EYS: variants seen among roughly 807,000 people sequenced by gnomAD.
EYS encodes protein eyes shut homolog.
Under a neutral mutation model 282.1 loss-of-function variants are expected in EYS, and 250 were observed. The ratio of observed to expected loss-of-function variants is 0.89; its 90% CI spans 0.80 to 0.98. The LOEUF (loss-of-function observed/expected upper bound fraction) is 0.98, where lower values mean the gene tolerates loss of function less well. Among genes scored for constraint, EYS ranks in the 50% least tolerant of loss-of-function variants. The pLI is 0.00. For missense variants in EYS, 4,016 were observed against 3,709.0 expected (o/e 1.08, Z -2.15); for synonymous variants, 1,355 against 1,282.9 (o/e 1.06, Z -1.20).
intron 26 of EYS, among the ~76,000 whole-genome samples, chr6:64,506,493 C>T (rs1333646225): frequency 6.6e-6 from 1 of 152,182 alleles, no homozygotes; most frequent in Non-Finnish European, 1.5e-5. Context: ...TTGAAATTCA[C>T]TTTAGTTTTA....
intron 30 of EYS, among the ~76,000 whole-genome samples, chr6:64,281,095 C>T (rs976082337): frequency 3.9e-5 from 6 of 152,044 alleles, no homozygotes; most frequent in African/African-American, 1.4e-4. Flanking sequence ...GCATTCTGCC[C>T]TAATATTCAA....
chr6:63,891,018 G>T (rs1322454754), intron 35 of EYS, among the ~76,000 whole-genome samples: 1 of 151,990 alleles, frequency 6.6e-6, no homozygotes, highest in Non-Finnish European at 1.5e-5. Context: ...GACACATACA[G>T]CCTCCCAAGA....
intron 30 of EYS, among the ~76,000 whole-genome samples, chr6:64,281,233 CTT>C (rs1768298252): frequency 1.3e-5 from 2 of 152,154 alleles, no homozygotes; most frequent in East Asian, 3.9e-4. Flanking sequence ...CTATCTATGA[CTT>C]AATGCATCTT....
At chr6:64,460,330 T>C (rs1215473605) in intron 26 of EYS, among the ~76,000 whole-genome samples, 3 of 152,218 alleles carry the variant, frequency 2.0e-5, no homozygotes. Context: ...GATCTAAAAG[T>C]TGATCACTGA....
intron 22 of EYS, among the ~76,000 whole-genome samples, chr6:64,644,468 G>A (rs1768282150): frequency 6.6e-6 from 1 of 152,108 alleles, no homozygotes; most frequent in South Asian, 2.1e-4. Context: ...ATCATGATGA[G>A]AATGTATGAA....
At chr6:64,280,210 A>C in intron 30 of EYS, among the ~76,000 whole-genome samples, 1 of 152,154 alleles carries the variant, frequency 6.6e-6, no homozygotes, top group South Asian at 2.1e-4. Context: ...ATTATAGATA[A>C]AAATAAATGT....
At chr6:64,721,566 C>T (rs1771583229) in intron 22 of EYS, among the ~76,000 whole-genome samples, 2 of 151,936 alleles carry the variant, frequency 1.3e-5, no homozygotes, top group Admixed American at 6.6e-5. Context: ...AAAATAAATC[C>T]CCTTTCTTCA....
intron 41 of EYS, among the ~76,000 whole-genome samples, chr6:63,737,178 G>C (rs1768937461): frequency 6.6e-6 from 1 of 152,004 alleles, no homozygotes; most frequent in South Asian, 2.1e-4. Flanking sequence ...TTTTCAAAGG[G>C]AATGCTTCCA....
At chr6:64,174,872 T>C (rs550580362) in intron 31 of EYS, among the ~76,000 whole-genome samples, 1 of 152,202 alleles carries the variant, frequency 6.6e-6, no homozygotes, top group East Asian at 1.9e-4. Context: ...CTGGTGGATA[T>C]ACAAATCACA....
At position 64,902,215 on chromosome 6, in the gene EYS, A is replaced by T. The variant is rs1767689725; in HGVS notation, c.2744T>A (p.Ile915Asn). Reference protein sequence around the residue: ...CEDMVNNFRCICRPGFSGSLC... With the variant: ...CEDMVNNFRCNCRPGFSGSLC... ...AGATCCAGAAAACCCAGGTCTGCAA[A>T]TACACCTTTTAAACAAAAAATTTAG... The change falls in exon 18 of 43, where the codon ATT (isoleucine) becomes AAT (asparagine). Residue 915 changes from isoleucine (I) to asparagine (N), a missense_variant. Ile to Asn is a moderately radical substitution (Grantham distance 149). Transcript: ENST00000503581. The T allele has an allele frequency of 6.5e-7, 1 of 1,549,700 alleles. No homozygotes were observed. Among genetic ancestry groups the T allele is most frequent in the South Asian group, 1.2e-5 (1 of 83,854 alleles).
chr6:65,301,215 G>C (rs901874913), intron 11 of EYS, among the ~76,000 whole-genome samples: 1 of 147,740 alleles, frequency 6.8e-6, no homozygotes. Flanking sequence ...TAGATTTTGG[G>C]CTGGGCGTGG....
At chr6:65,335,174 T>C in intron 10 of EYS, 28 bp from the exon 11 acceptor site, 1 of 1,451,236 alleles carries the variant, frequency 6.9e-7, no homozygotes, top group Non-Finnish European at 9.7e-7. Context: ...GTAAAAATGT[T>C]ATGAATTCCC....
intron 22 of EYS, among the ~76,000 whole-genome samples, chr6:64,762,023 T>C (rs74367832): frequency 0.016 from 2,401 of 152,264 alleles, 70 homozygotes; most frequent in African/African-American, 0.054. Flanking sequence ...TGATATATTG[T>C]ATATTTCAAA....
chr6:64,705,765 G>A (rs1046197839), intron 22 of EYS, among the ~76,000 whole-genome samples: 1 of 144,774 alleles, frequency 6.9e-6, no homozygotes, highest in Non-Finnish European at 1.5e-5. Flanking sequence ...CTCATAGGTG[G>A]GAATTGAACA....
At chr6:65,221,148 C>T (rs1000611690) in intron 12 of EYS, among the ~76,000 whole-genome samples, 3 of 152,070 alleles carry the variant, frequency 2.0e-5, no homozygotes, top group Non-Finnish European at 4.4e-5. Flanking sequence ...CTTTGCAGCC[C>T]AATGATGCAA....
chr6:63,833,769 A>G (rs1193231963), intron 36 of EYS, among the ~76,000 whole-genome samples: 4 of 152,228 alleles, frequency 2.6e-5, no homozygotes, highest in African/African-American at 9.6e-5. Context: ...CTAAGCCAAA[A>G]GAACAAAGCT....
intron 14 of EYS, among the ~76,000 whole-genome samples, chr6:64,988,908 C>T (rs1246334068): frequency 6.6e-6 from 1 of 151,478 alleles, no homozygotes; most frequent in Non-Finnish European, 1.5e-5. Context: ...CACTTCCATA[C>T]ACTTGAATAA....
intron 35 of EYS, among the ~76,000 whole-genome samples, chr6:63,950,679 C>T (rs1335177679): frequency 6.6e-6 from 1 of 152,162 alleles, no homozygotes; most frequent in Non-Finnish European, 1.5e-5. Flanking sequence ...GAAAGATCCA[C>T]CTACGACCTC....
intron 26 of EYS, among the ~76,000 whole-genome samples, chr6:64,448,263 C>A (rs1775188422): frequency 6.6e-6 from 1 of 152,184 alleles, no homozygotes; most frequent in Admixed American, 6.5e-5. Context: ...TGATTGCTAG[C>A]ACAGCAGTCT....
Sources: allele counts gnomAD v4.1 joint callset (sites outside exome capture counted in the v4.1 genomes callset), GRCh38; gene constraint gnomAD v4.1.1; transcripts MANE v1.5; gene names NCBI Gene and HGNC (gene_info 2026-07-23, HGNC 2026-07-21).